The following RHOBTB2 variants were observed in gnomAD, a reference collection of about 807,000 sequenced individuals.
RHOBTB2 encodes Rho related BTB domain containing 2.
A neutral mutation model predicts 66.5 loss-of-function variants in RHOBTB2; 39 were observed. That is an observed-to-expected ratio of 0.59 (90% CI 0.45 to 0.77). RHOBTB2 has a LOEUF of 0.77. RHOBTB2 is among the 30% of genes least tolerant of loss of function. The pLI, the probability that RHOBTB2 is intolerant of heterozygous loss-of-function variation, is 0.00. For missense variants in RHOBTB2, 755 were observed against 999.1 expected (o/e 0.76, Z 3.29); for synonymous variants, 390 against 395.0 (o/e 0.99, Z 0.15).
intron 6 of RHOBTB2, 78 bp downstream of exon 6, chr8:23,008,189 G>GAAGAAAGTACCCTGA: frequency 1.0e-6 from 1 of 996,476 alleles, no homozygotes; most frequent in Non-Finnish European, 1.5e-6. Context: ...TGCCACTCAG[G>GAAGAAAGTACCCTGA]GTACTTTCTT....
the RHOBTB2 span, among the ~76,000 whole-genome samples, chr8:22,966,417 G>A: frequency 1.9e-4 from 29 of 151,874 alleles, 2 homozygotes; most frequent in African/African-American, 6.8e-4. Flanking sequence ...AACAACCCAA[G>A]CAAAAAACGG....
At chr8:22,988,545 T>C (rs1284658828) in intron 1 of RHOBTB2, among the ~76,000 whole-genome samples, 2 of 152,134 alleles carry the variant, frequency 1.3e-5, no homozygotes, top group Admixed American at 6.6e-5. Flanking sequence ...CTCCCCATCC[T>C]TCAGGCAGCA....
chr8:23,017,279 G>A lies in RHOBTB2; in HGVS notation c.1994G>A (p.Arg665Gln), dbSNP rs1055437847. 5 of 1,614,004 alleles carry A rather than the reference G, an allele frequency of 3.1e-6. No individual in the cohort carries two copies. The highest frequency in any genetic ancestry group is 2.2e-5 in the East Asian group (1 of 44,876). The change falls in exon 10 of 10, where the codon CGG becomes CAG. Residue 665 changes from arginine (R) to glutamine (Q), a missense_variant. By Grantham distance (43) the Arg-to-Gln change is conservative. Transcript: ENST00000251822. The surrounding 1 kb of genome is among the most constrained non-coding windows in gnomAD (Gnocchi z 5.3). The stretch of plus-strand genomic sequence containing the variant: ...AACCAGGAGTATTTCGAGAAGCATC[G>A]GTGGCCACCTGTGTGGTACCTGAAG... ...PENQEYFEKH[R>Q]WPPVWYLKEE...
chr8:22,985,603 T>A (rs977549467), upstream of RHOBTB2, among the ~76,000 whole-genome samples: 8 of 152,238 alleles, frequency 5.3e-5, no homozygotes, highest in African/African-American at 2.4e-5. Context: ...CATATTTTTA[T>A]GGCCAGTTTA....
chr8:22,954,350 T>C, the RHOBTB2 span, among the ~76,000 whole-genome samples: 1 of 152,214 alleles, frequency 6.6e-6, no homozygotes, highest in Non-Finnish European at 1.5e-5. Flanking sequence ...TCTGTTTTTG[T>C]TTTTTAACGT....
At chr8:23,016,071 A>G (rs901502899) in intron 9 of RHOBTB2, among the ~76,000 whole-genome samples, 5 of 152,242 alleles carry the variant, frequency 3.3e-5, no homozygotes, top group African/African-American at 1.2e-4. Context: ...GAAAATATAT[A>G]CATCTTTCTA....
chr8:22,961,184 G>A, the RHOBTB2 span, among the ~76,000 whole-genome samples: 54 of 152,196 alleles, frequency 3.5e-4, no homozygotes, highest in East Asian at 6.8e-3. Context: ...TTATGGGAGC[G>A]AGCCATTAAG....
chr8:23,004,202 G>A lies in RHOBTB2; in HGVS notation c.-10-223G>A. The A allele has an allele frequency of 1.7e-6, 1 of 572,420 alleles. No homozygotes were observed. Among genetic ancestry groups the A allele is most frequent in the Non-Finnish European group, 3.1e-6 (1 of 318,508 alleles). 35.5% of individuals were successfully genotyped at this position (572,420 alleles called of 1,614,324 possible). A position where few individuals can be genotyped will look rare whatever the true frequency, so the allele number is the denominator to read the frequency against. Reference sequence around the variant, plus strand: ...GATCGTGGGAGCAGGAAGGGGACAGGTGGCCCATCTGGTGACACTGCTCCT... The same window carrying A: ...GATCGTGGGAGCAGGAAGGGGACAGATGGCCCATCTGGTGACACTGCTCCT... On this transcript the variant is annotated intron_variant, in intron 1 of 9. Transcript: ENST00000251822. This position sits in a 1 kb window ranked among gnomAD's most constrained non-coding sequence, Gnocchi z 6.4.
At chr8:22,969,601 A>C in the RHOBTB2 span, among the ~76,000 whole-genome samples, 1 of 152,246 alleles carries the variant, frequency 6.6e-6, no homozygotes, top group Non-Finnish European at 1.5e-5. Context: ...GCCTATCAAA[A>C]GCCTTAAAAT....
chr8:23,001,093 G>C (rs1368102121), intron 1 of RHOBTB2, among the ~76,000 whole-genome samples: 1 of 152,198 alleles, frequency 6.6e-6, no homozygotes, highest in South Asian at 2.1e-4. Context: ...AGCTGGGAGA[G>C]CGGTGGGCAG....
chr8:22,979,779 G>A, the RHOBTB2 span, among the ~76,000 whole-genome samples: 38 of 100,736 alleles, frequency 3.8e-4, no homozygotes, highest in Non-Finnish European at 5.9e-4. Context: ...GAGACTCTGT[G>A]ACAGAGTCTC....
At position 23,019,609 on chromosome 8, in the gene RHOBTB2, A is replaced by G. The variant is rs2128809521; in HGVS notation, c.*2140A>G. On this transcript the variant is annotated 3_prime_UTR_variant, in exon 10 of 10. Coordinates refer to ENST00000251822, the MANE Select transcript of RHOBTB2 (RefSeq NM_015178.3). ...GAGCGGGTCCTCCAGGGCAAGGGGAACGGGAAATAGGTCTCCTAGGTGCCT... is the reference window on the plus strand; with the variant it reads ...GAGCGGGTCCTCCAGGGCAAGGGGAGCGGGAAATAGGTCTCCTAGGTGCCT... 6.5e-6 allele frequency: 1 copy of G among 152,692 alleles called. No homozygotes were observed. Among genetic ancestry groups the G allele is most frequent in the South Asian group, 2.1e-4 (1 of 4,838 alleles). 9.5% of individuals were successfully genotyped at this position (152,692 alleles called of 1,614,324 possible).
chr8:23,002,129 C>T (rs192203359), intron 1 of RHOBTB2, among the ~76,000 whole-genome samples: 38 of 152,338 alleles, frequency 2.5e-4, no homozygotes, highest in Admixed American at 1.0e-3. Context: ...GTCTACAGAC[C>T]TACATGCTGG....
At chr8:23,016,112 A>G (rs1811284867) in intron 9 of RHOBTB2, among the ~76,000 whole-genome samples, 1 of 152,244 alleles carries the variant, frequency 6.6e-6, no homozygotes, top group Admixed American at 6.5e-5. Flanking sequence ...AATTGATGGT[A>G]CAACCCAGGA....
intron 6 of RHOBTB2, among the ~76,000 whole-genome samples, chr8:23,009,170 AAG>A (rs71206558): frequency 1.4e-5 from 2 of 138,198 alleles, no homozygotes; most frequent in Admixed American, 7.6e-5. Flanking sequence ...AAAAGAAAAA[AAG>A]AGAGAGAGAG....
the RHOBTB2 span, among the ~76,000 whole-genome samples, chr8:22,980,260 A>T: frequency 6.6e-6 from 1 of 152,180 alleles, no homozygotes; most frequent in African/African-American, 2.4e-5. Context: ...TAGTTTCCAG[A>T]TATATTTTGC....
In RHOBTB2 at chr8:23,017,239, C is replaced by A. The variant is rs765031734; in HGVS notation, c.1967-13C>A. On this transcript the variant is annotated splice_polypyrimidine_tract_variant and intron_variant, in intron 9 of 9. Transcript: ENST00000251822. The surrounding 1 kb of genome is among the most constrained non-coding windows in gnomAD (Gnocchi z 5.3). ...GCCTCCTTTCTAACCAAGCTGCCTG[C>A]TCTCTGCTCCAGAAAACCAGGAGTA... The A allele has an allele frequency of 6.2e-7, 1 of 1,613,790 alleles. No individual in the cohort carries two copies. Among genetic ancestry groups the A allele is most frequent in the Non-Finnish European group, 8.5e-7 (1 of 1,179,850 alleles).
At chr8:22,998,488 C>G (rs1316058102), upstream of RHOBTB2, among the ~76,000 whole-genome samples, 1 of 152,154 alleles carries the variant, frequency 6.6e-6, no homozygotes, top group Admixed American at 6.5e-5. Context: ...AATCCTAGTA[C>G]TTTGGGAGGC....
At chr8:23,012,195 C>T (rs1243726505) in intron 7 of RHOBTB2, among the ~76,000 whole-genome samples, 1 of 152,200 alleles carries the variant, frequency 6.6e-6, no homozygotes, top group Non-Finnish European at 1.5e-5. Context: ...AAGACTATCT[C>T]CAGAGAAATG....
Sources: allele counts gnomAD v4.1 joint callset (sites outside exome capture counted in the v4.1 genomes callset), GRCh38; gene constraint gnomAD v4.1.1; non-coding constraint Gnocchi (gnomAD v3.1); transcripts MANE v1.5; gene names NCBI Gene and HGNC (gene_info 2026-07-23, HGNC 2026-07-21).